Variants in SYNJ2 observed in about 807,000 individuals in gnomAD.
SYNJ2 encodes the protein polyphosphatidylinositol phosphatase SYNJ2.
Under a neutral mutation model 141.3 loss-of-function variants are expected in SYNJ2, and 116 were observed. The ratio of observed to expected loss-of-function variants is 0.82; its 90% CI spans 0.71 to 0.96. The LOEUF is 0.96. SYNJ2 is among the 40% of genes least tolerant of loss of function. The pLI is 0.00. For synonymous variants in SYNJ2, 745 were observed against 777.7 expected, an observed-to-expected ratio of 0.96 and a Z score of 0.70; for missense variants, 1,873 against 1,934.8, an observed-to-expected ratio of 0.97 and a Z score of 0.60.
intron 4 of SYNJ2, among the ~76,000 whole-genome samples, chr6:158,041,948 C>G (rs1297734698): frequency 1.3e-5 from 2 of 152,244 alleles, no homozygotes; most frequent in African/African-American, 4.8e-5. Context: ...CTTTTGGGCT[C>G]AAGCCCGCCT....
Position 158,096,417 on chromosome 6 carries a change from A to G in SYNJ2, c.*53A>G. 6 of 1,515,910 alleles carry G rather than the reference A, an allele frequency of 4.0e-6. No individual in the cohort carries two copies. The highest frequency in any genetic ancestry group is 5.3e-6 in the Non-Finnish European group (6 of 1,138,740). 93.9% of individuals were successfully genotyped at this position (1,515,910 alleles called of 1,614,324 possible). On this transcript the variant is annotated 3_prime_UTR_variant, in exon 27 of 27. Transcript: ENST00000355585. Reference sequence around the variant, plus strand: ...ATAGAATGCATACCTTCCTCCCTCTAGACATCCCTCCACCAGAAGAGACAT... The same window carrying G: ...ATAGAATGCATACCTTCCTCCCTCTGGACATCCCTCCACCAGAAGAGACAT...
At chr6:158,049,895 G>A (rs755851571) in intron 5 of SYNJ2, among the ~76,000 whole-genome samples, 8 of 151,898 alleles carry the variant, frequency 5.3e-5, no homozygotes, top group Non-Finnish European at 1.0e-4. Flanking sequence ...TATGCCTGCG[G>A]CTCTGCAGGT....
At chr6:158,069,349 A>G (rs963158783) in intron 13 of SYNJ2, among the ~76,000 whole-genome samples, 184 bp from the exon 14 acceptor site, 1 of 152,116 alleles carries the variant, frequency 6.6e-6, no homozygotes, top group Non-Finnish European at 1.5e-5. Context: ...GTGATGTGTG[A>G]GGCATAGCCA....
chr6:158,064,509 C>T, intron 9 of SYNJ2, 92 bp from the exon 10 acceptor site: 1 of 1,507,104 alleles, frequency 6.6e-7, no homozygotes, highest in Non-Finnish European at 9.1e-7. Context: ...ACAGCGTAAT[C>T]CACAGGCTGC....
intron 6 of SYNJ2, among the ~76,000 whole-genome samples, chr6:158,055,892 T>C (rs1780841949): frequency 6.6e-6 from 1 of 152,206 alleles, no homozygotes; most frequent in African/African-American, 2.4e-5. Context: ...GACAAGACCA[T>C]TGCCTTTTCC....
rs996129892 is a variant in SYNJ2 at position 158,064,494 on chromosome 6, C to T, written c.1210-107C>T. On this transcript the variant is annotated intron_variant, in intron 9 of 26. Transcript: ENST00000355585. ...TCCTCTGGAGGGGCACAGAGTCTTC[C>T]AGGCACAGCGTAATCCACAGGCTGC... 19 of 1,407,246 alleles carry T rather than the reference C, an allele frequency of 1.4e-5. No homozygotes were observed. The African/African-American group carries it at 2.7e-4, about 20-fold the overall frequency. The allele number at this position is 1,407,246 out of a possible 1,614,324, so 87.2% of individuals were successfully genotyped here. A position where few individuals can be genotyped will look rare whatever the true frequency, so the allele number is the denominator to read the frequency against.
At chr6:158,072,116 C>T (rs868077726) in intron 15 of SYNJ2, among the ~76,000 whole-genome samples, 3 of 152,214 alleles carry the variant, frequency 2.0e-5, no homozygotes, top group Non-Finnish European at 4.4e-5. Flanking sequence ...AAACCATGTC[C>T]GTGGTCTGTC....
At chr6:158,050,468 A>C (rs1232562354) in intron 5 of SYNJ2, among the ~76,000 whole-genome samples, 1 of 152,222 alleles carries the variant, frequency 6.6e-6, no homozygotes, top group East Asian at 1.9e-4. Context: ...CTGAGGTAGA[A>C]AGGTTTGTTG....
In SYNJ2 at chr6:158,071,229, C is replaced by T. The variant is rs1027241679; in HGVS notation, c.1941-373C>T. On this transcript the variant is annotated intron_variant, in intron 14 of 26. Coordinates refer to ENST00000355585, the MANE Select transcript of SYNJ2 (RefSeq NM_003898.4). This position sits in a 1 kb window ranked among gnomAD's most constrained non-coding sequence, Gnocchi z 4.3. ...AAATGTGTTGATTGCCCAGATGACA[C>T]CTCCCATGCATGGCGTGATGGCTGC... Among the ~76,000 whole-genome samples, 2 of 152,138 alleles carry T rather than the reference C, an allele frequency of 1.3e-5. No individual in the cohort carries two copies. Among genetic ancestry groups the T allele is most frequent in the Non-Finnish European group, 2.9e-5 (2 of 68,016 alleles).
intron 6 of SYNJ2, 33 bp from the exon 7 acceptor site, chr6:158,059,224 C>G (rs1424241383): frequency 1.3e-6 from 2 of 1,522,402 alleles, no homozygotes; most frequent in East Asian, 4.9e-5. Flanking sequence ...TGTGCCCGTG[C>G]CCAGCATCAC....
Position 158,001,702 on chromosome 6 carries a change from G to A in SYNJ2, c.128-15502G>A, listed in dbSNP as rs149400708. 1,116 of 152,400 alleles carry A rather than the reference G, an allele frequency of 7.3e-3. 9 individuals are homozygous for A. Among genetic ancestry groups the A allele is most frequent in the Non-Finnish European group, 0.013 (865 of 68,184 alleles). The allele number at this position is 152,400 out of a possible 1,614,324, so 9.4% of individuals were successfully genotyped here. A position where few individuals can be genotyped will look rare whatever the true frequency, so the allele number is the denominator to read the frequency against. On this transcript the variant is annotated intron_variant, in intron 1 of 26. Coordinates refer to ENST00000355585, the MANE Select transcript of SYNJ2 (RefSeq NM_003898.4). ...CATGAGCCACCGCGCCCAGCCAAAG[G>A]TAGCTAAGAACTTTCAACAGCCCCC... is the stretch of plus-strand genomic sequence containing the variant.
chr6:158,019,901 G>A (rs1289133656), intron 2 of SYNJ2, among the ~76,000 whole-genome samples: 1 of 152,212 alleles, frequency 6.6e-6, no homozygotes, highest in African/African-American at 2.4e-5. Flanking sequence ...TATCTTAAGG[G>A]GCGTTTGACT....
At chr6:158,056,040 A>G (rs755560431) in intron 6 of SYNJ2, among the ~76,000 whole-genome samples, 3 of 152,182 alleles carry the variant, frequency 2.0e-5, no homozygotes, top group Non-Finnish European at 4.4e-5. Flanking sequence ...GGTGGCTCAG[A>G]TTTTAGGGAG....
At chr6:158,059,048 C>G (rs746741587) in intron 6 of SYNJ2, among the ~76,000 whole-genome samples, 1 of 152,268 alleles carries the variant, frequency 6.6e-6, no homozygotes, top group Non-Finnish European at 1.5e-5. Flanking sequence ...TAGAAGTCTA[C>G]GCTAGCTAGT....
rs568453677 is a variant in SYNJ2, at chr6:158,051,509, A to C, written c.796-3458A>C. ...GGTAACACAGGCAGCAAAAAAATAA[A>C]AAAAAACCCCACAGGTTTGGGGTGA... On this transcript the variant is annotated intron_variant, in intron 5 of 26. Coordinates refer to ENST00000355585, the MANE Select transcript of SYNJ2 (RefSeq NM_003898.4). 7.2e-5 allele frequency among the ~76,000 whole-genome samples: 11 copies of C among 151,940 alleles called. No homozygotes were observed. In the South Asian group the frequency reaches 2.3e-3, roughly 32 times the overall value.
Position 158,070,761 on chromosome 6 carries a change from T to A in SYNJ2, c.1941-841T>A, listed in dbSNP as rs976782079. Among the ~76,000 whole-genome samples the A allele has an allele frequency of 6.6e-6, 1 of 152,168 alleles. No individual in the cohort carries two copies. The highest frequency in any genetic ancestry group is 1.5e-5 in the Non-Finnish European group (1 of 68,038). On this transcript the variant is annotated intron_variant, in intron 14 of 26. Transcript: ENST00000355585. This position sits in a 1 kb window ranked among gnomAD's most constrained non-coding sequence, Gnocchi z 4.0. ...TGTTAACAAATGTGCTTGCAGCCCA[T>A]GTTTCTATGGACTCGTATGCGTCAT... is the stretch of plus-strand genomic sequence containing the variant.
At chr6:158,025,003 G>C (rs1778965065) in intron 2 of SYNJ2, among the ~76,000 whole-genome samples, 1 of 152,216 alleles carries the variant, frequency 6.6e-6, no homozygotes, top group African/African-American at 2.4e-5. Flanking sequence ...AATGGGCAGG[G>C]AACGCTGTCT....
chr6:158,081,255 A>G lies in SYNJ2; in HGVS notation c.2714A>G (p.Asn905Ser). Reference protein sequence around the residue: ...NLQSPTLEEKNEFPEDLRTEL... With the variant: ...NLQSPTLEEKSEFPEDLRTEL... ...CAATCACCGACCTTAGAAGAGAAAA[A>G]CGAGTTTCCAGAGGACCTGCGTACT... Residue 905 changes from asparagine to serine, a missense_variant, in exon 19 of 27, where the codon AAC becomes AGC. Asn to Ser is a conservative substitution (Grantham distance 46). Transcript: ENST00000355585. 1 of 1,613,980 alleles carries G rather than the reference A, an allele frequency of 6.2e-7. No individual in the cohort carries two copies. The highest frequency in any genetic ancestry group is 1.1e-5 in the South Asian group (1 of 91,074).
intron 6 of SYNJ2, 108 bp downstream of exon 6, chr6:158,055,136 C>G: frequency 8.5e-7 from 1 of 1,169,646 alleles, no homozygotes; most frequent in Non-Finnish European, 1.2e-6. Flanking sequence ...ACCCTGAACC[C>G]TGAATCTAAA....
Sources: allele counts gnomAD v4.1 joint callset (sites outside exome capture counted in the v4.1 genomes callset), GRCh38; gene constraint gnomAD v4.1.1; non-coding constraint Gnocchi (gnomAD v3.1); transcripts MANE v1.5; gene names NCBI Gene and HGNC (gene_info 2026-07-23, HGNC 2026-07-21).